CPT1C: variants seen among roughly 807,000 people sequenced by gnomAD.
CPT1C encodes carnitine palmitoyltransferase 1C, also known as palmitoyl thioesterase CPT1C.
CPT1C carries 61 observed loss-of-function variants against 97.3 expected under a neutral mutation model. The ratio of observed to expected loss-of-function variants is 0.63; its 90% CI spans 0.51 to 0.78. The LOEUF (loss-of-function observed/expected upper bound fraction) is 0.78. Among genes scored for constraint, CPT1C ranks in the 30% least tolerant of loss-of-function variants. The pLI is 0.00. For synonymous variants in CPT1C, 469 were observed against 447.2 expected, an observed-to-expected ratio of 1.05 and a Z score of -0.61; for missense variants, 975 against 1,065.5, an observed-to-expected ratio of 0.92 and a Z score of 1.18.
intron 4 of CPT1C, among the ~76,000 whole-genome samples, chr19:49,699,810 TG>T (rs2082894802): frequency 6.6e-6 from 1 of 151,850 alleles, no homozygotes; most frequent in South Asian, 2.1e-4. Context: ...AAAAATTAGC[TG>T]GGCGTGGTGG....
chr19:49,700,587 C>A, intron 4 of CPT1C, 97 bp from the exon 5 acceptor site: 2 of 1,361,982 alleles, frequency 1.5e-6, no homozygotes, highest in Non-Finnish European at 2.0e-6. Context: ...CTCTGTCTGA[C>A]AGCCAAAAGA....
Position 49,697,431 on chromosome 19 carries a change from C to G in CPT1C, c.247C>G (p.Leu83Val), listed in dbSNP as rs543345127. 2 of 1,614,142 alleles carry G rather than the reference C, an allele frequency of 1.2e-6. No homozygotes were observed. Among genetic ancestry groups the G allele is most frequent in the South Asian group, 1.1e-5 (1 of 91,068 alleles). Residue 83 changes from leucine (L) to valine (V), a missense_variant, in exon 4 of 20, where the codon CTG (leucine) becomes GTG (valine). Leu to Val is a conservative substitution (Grantham distance 32). Coordinates refer to ENST00000598293, the MANE Select transcript of CPT1C (RefSeq NM_001199753.2). Reference protein sequence around the residue: ...WFLQLDPSLGLMEKIKELLPD... With the variant: ...WFLQLDPSLGVMEKIKELLPD... ...CCTCCAGCTGGATCCTTCCTTAGGA[C>G]TGATGGAGAAGATCAAAGAGTTGCT...
intron 4 of CPT1C, among the ~76,000 whole-genome samples, chr19:49,698,429 G>A (rs1469614269): frequency 2.0e-5 from 3 of 151,664 alleles, no homozygotes; most frequent in Non-Finnish European, 1.5e-5. Context: ...TTGGGAGGCC[G>A]AGGTGGCCAG....
chr19:49,693,885 C>CGGG (rs2082492371), intron 3 of CPT1C, among the ~76,000 whole-genome samples: 1 of 151,922 alleles, frequency 6.6e-6, no homozygotes, highest in South Asian at 2.1e-4. Context: ...GGTGAAACCC[C>CGGG]GTTTCTACTA....
In CPT1C at chr19:49,692,413, G is replaced by T. The variant is rs1193628289; in HGVS notation, c.141+20G>T. ...TTCTGGGTGAGGAGCGGTGCTGGTC[G>T]GTTTCCTTCCGGGGATCCAGGTTTC... On this transcript the variant is annotated intron_variant, in intron 3 of 19. Transcript: ENST00000598293. The T allele has an allele frequency of 6.2e-7, 1 of 1,612,908 alleles. No homozygotes were observed. Among genetic ancestry groups the T allele is most frequent in the East Asian group, 2.2e-5 (1 of 44,834 alleles).
chr19:49,708,002 C>CAAAAAAAAAAAAAAAAA (rs60276067), intron 13 of CPT1C, among the ~76,000 whole-genome samples: 3 of 56,784 alleles, frequency 5.3e-5, no homozygotes, highest in Admixed American at 2.2e-4. Flanking sequence ...GAATACATCT[C>CAAAAAAAAAAAAAAAAA]AAAAAAAAAA....
chr19:49,694,720 G>C (rs1166756744), intron 3 of CPT1C, among the ~76,000 whole-genome samples: 1 of 151,824 alleles, frequency 6.6e-6, no homozygotes, highest in African/African-American at 2.4e-5. Flanking sequence ...AACCTCTGTG[G>C]TCTTGTTGGT....
At chr19:49,711,552 A>G in intron 16 of CPT1C, 1 of 526,342 alleles carries the variant, frequency 1.9e-6, no homozygotes, top group Non-Finnish European at 3.4e-6. Context: ...CGCACCTACA[A>G]GGTATTGTGG....
At chr19:49,699,082 G>A (rs972489996) in intron 4 of CPT1C, among the ~76,000 whole-genome samples, 3 of 151,752 alleles carry the variant, frequency 2.0e-5, no homozygotes, top group African/African-American at 2.4e-5. Context: ...CAGCCTGGGC[G>A]ACAGAGAGAG....
At position 49,706,655 on chromosome 19, in the gene CPT1C, G is replaced by A. The variant is rs1568533932; in HGVS notation, c.1343+242G>A. Reference sequence around the variant, plus strand: ...ACCAGACCCAGTGACCCCCAAATCTGAGACTCCCAAACCCCTGAGCTGGAC... The same window carrying A: ...ACCAGACCCAGTGACCCCCAAATCTAAGACTCCCAAACCCCTGAGCTGGAC... On this transcript the variant is annotated intron_variant, in intron 12 of 19. Coordinates refer to ENST00000598293, the MANE Select transcript of CPT1C (RefSeq NM_001199753.2). The surrounding 1 kb of genome is among the most constrained non-coding windows in gnomAD (Gnocchi z 4.8). 2.0e-5 allele frequency among the ~76,000 whole-genome samples: 3 copies of A among 152,048 alleles called. No homozygotes were observed. In the East Asian group the frequency reaches 5.8e-4, roughly 29 times the overall value.
intron 17 of CPT1C, 99 bp downstream of exon 17, chr19:49,712,060 A>G: frequency 6.9e-7 from 1 of 1,442,748 alleles, no homozygotes; most frequent in Non-Finnish European, 9.4e-7. Context: ...GGACCCATCA[A>G]GGCCGGGCAC....
chr19:49,694,079 TA>T (rs2082508035), intron 3 of CPT1C, among the ~76,000 whole-genome samples: 3 of 144,384 alleles, frequency 2.1e-5, no homozygotes, highest in Admixed American at 2.0e-4. Context: ...AAAAATAAAA[TA>T]AAATAAAAAA....
chr19:49,712,939 C>T (rs1443883898), intron 18 of CPT1C, 33 bp from the exon 19 acceptor site: 3 of 1,600,506 alleles, frequency 1.9e-6, no homozygotes, highest in African/African-American at 2.7e-5. Context: ...GGGACCGGAG[C>T]TATTTTCTTC....
Position 49,701,546 on chromosome 19 carries a change from C to T in CPT1C, c.605C>T (p.Thr202Ile), listed in dbSNP as rs150909739. 7 of 1,612,338 alleles carry T rather than the reference C, an allele frequency of 4.3e-6. No individual in the cohort carries two copies. The African/African-American group carries it at 9.4e-5, about 22-fold the overall frequency. ...PILSDEDFDWTAVLAQEFLRL... is the reference protein window; with the variant it reads ...PILSDEDFDWIAVLAQEFLRL... ...CTCTCCGACGAGGACTTCGACTGGA[C>T]CGCGGTCCTGGCGCAGGAATTCCTG... Residue 202 changes from threonine (T) to isoleucine (I), a missense_variant, in exon 7 of 20, where the codon ACC becomes ATC. Around this residue, in one of 3 missense-constraint regions of CPT1C, gnomAD observed 596 missense variants for 603.1 expected, o/e 0.99. Transcript: ENST00000598293.
chr19:49,702,089 T>A (rs1181096273), intron 7 of CPT1C, among the ~76,000 whole-genome samples: 76 of 103,884 alleles, frequency 7.3e-4, no homozygotes, highest in South Asian at 6.3e-3. Context: ...AAATATATAT[T>A]TATTTATAAA....
At position 49,713,296 on chromosome 19, in the gene CPT1C, G is replaced by C. The variant is rs1462247511; in HGVS notation, c.2227-124G>C. ...CCCCAGCCCCTCCTCCCTCAGACTC[G>C]GGAGTCCAGGCCCCAGCTCCTCCTC... On this transcript the variant is annotated intron_variant, in intron 19 of 19. Coordinates refer to ENST00000598293, the MANE Select transcript of CPT1C (RefSeq NM_001199753.2). 5.3e-6 allele frequency: 5 copies of C among 935,568 alleles called. No homozygotes were observed. In the South Asian group the frequency reaches 6.5e-5, roughly 12 times the overall value. 58.0% of individuals were successfully genotyped at this position (935,568 alleles called of 1,614,324 possible).
At position 49,706,352 on chromosome 19, in the gene CPT1C, G is replaced by A. The variant is rs141256712; in HGVS notation, c.1282G>A (p.Asp428Asn). 23 of 1,511,204 alleles carry A rather than the reference G, an allele frequency of 1.5e-5. No individual in the cohort carries two copies. The African/African-American group carries it at 3.0e-4, about 20-fold the overall frequency. 93.6% of individuals were successfully genotyped at this position (1,511,204 alleles called of 1,614,324 possible). ...DAEPAGLTRE[D>N]PAASLDAYAH... ...TGAGCCCGCGGGGCTCACCAGGGAG[G>A]ACCCGGCAGCGTCGTTGGATGCCTA... Residue 428 changes from aspartate (D) to asparagine (N), a missense_variant, in exon 12 of 20, where the codon GAC becomes AAC. Physicochemically the swap from Asp to Asn is conservative, Grantham distance 23 (BLOSUM62 1). Coordinates refer to ENST00000598293, the MANE Select transcript of CPT1C (RefSeq NM_001199753.2). This position sits in a 1 kb window ranked among gnomAD's most constrained non-coding sequence, Gnocchi z 4.8.
intron 14 of CPT1C, 23 bp from the exon 15 acceptor site, chr19:49,710,294 ACTC>A (rs2083778812): frequency 6.2e-7 from 1 of 1,606,728 alleles, no homozygotes; most frequent in Non-Finnish European, 8.5e-7. Flanking sequence ...AACCCCAACT[ACTC>A]CTCTTCCCTC....
At chr19:49,709,031 C>T (rs75715304) in intron 14 of CPT1C, among the ~76,000 whole-genome samples, 192 bp downstream of exon 14, 4,386 of 151,320 alleles carry the variant, frequency 0.029, 66 homozygotes, top group African/African-American at 0.037. Context: ...AACCTCATCT[C>T]CAGCCCCAAC....
Sources: gnomAD v4.1 joint callset for allele counts (sites outside exome capture counted in the v4.1 genomes callset) on GRCh38, gnomAD v4.1.1 for gene constraint, gnomAD v4.1.1 regional missense constraint, Gnocchi (gnomAD v3.1) non-coding constraint, MANE v1.5 for transcripts, NCBI Gene and HGNC (gene_info 2026-07-23, HGNC 2026-07-21) for gene names.